Variants in BLMH observed in about 807,000 individuals in gnomAD.
The protein encoded by BLMH is bleomycin hydrolase.
BLMH carries 32 observed loss-of-function variants against 61.6 expected under a neutral mutation model. That is an observed-to-expected ratio of 0.52 (90% CI 0.39 to 0.70). The LOEUF (loss-of-function observed/expected upper bound fraction) is 0.70, where lower values mean the gene tolerates loss of function less well. BLMH is among the 30% of genes least tolerant of loss of function. The pLI is 0.00. For synonymous variants in BLMH, 183 were observed against 193.8 expected (o/e 0.94, Z 0.46); for missense variants, 460 against 555.5 (o/e 0.83, Z 1.73).
At chr17:30,286,960 A>C in intron 4 of BLMH, 58 bp from the exon 5 acceptor site, 1 of 1,118,038 alleles carries the variant, frequency 8.9e-7, no homozygotes, top group Middle Eastern at 2.2e-4. Context: ...CCCTGGCAAA[A>C]ATAGTGATTG....
chr17:30,291,035 C>A, intron 2 of BLMH: 1 of 423,966 alleles, frequency 2.4e-6, no homozygotes, highest in East Asian at 3.9e-5. Flanking sequence ...GGCTACAAAC[C>A]ACACAGCATT....
At chr17:30,266,130 A>C (rs1908098815) in intron 11 of BLMH, among the ~76,000 whole-genome samples, 1 of 152,184 alleles carries the variant, frequency 6.6e-6, no homozygotes, top group African/African-American at 2.4e-5. Context: ...TAGGTATGAC[A>C]ACTTCTAAGG....
At chr17:30,283,683 A>G (rs1273936366) in intron 6 of BLMH, among the ~76,000 whole-genome samples, 3 of 151,800 alleles carry the variant, frequency 2.0e-5, no homozygotes, top group African/African-American at 7.3e-5. Flanking sequence ...CACCACGCCC[A>G]GCTAATTATT....
chr17:30,285,204 C>T (rs953488426), intron 6 of BLMH, among the ~76,000 whole-genome samples, 184 bp downstream of exon 6: 1 of 152,138 alleles, frequency 6.6e-6, no homozygotes, highest in Non-Finnish European at 1.5e-5. Flanking sequence ...AATCCAAGTC[C>T]AAGTCCTACA....
chr17:30,265,499 A>G (rs1412859089), intron 11 of BLMH, among the ~76,000 whole-genome samples: 2 of 152,174 alleles, frequency 1.3e-5, no homozygotes, highest in African/African-American at 2.4e-5. Flanking sequence ...CTAAACACAG[A>G]GAGGGGCAAC....
intron 3 of BLMH, 160 bp from the exon 4 acceptor site, chr17:30,288,107 C>T: frequency 1.4e-6 from 1 of 730,488 alleles, no homozygotes; most frequent in Non-Finnish European, 2.1e-6. Flanking sequence ...GCATGTCATC[C>T]TTGTACAGAG....
intron 2 of BLMH, 39 bp from the exon 3 acceptor site, chr17:30,289,521 A>G (rs1212291930): frequency 6.9e-7 from 1 of 1,444,156 alleles, no homozygotes; most frequent in East Asian, 2.3e-5. Context: ...ATGAGGGTTC[A>G]CATAGACTGC....
intron 11 of BLMH, among the ~76,000 whole-genome samples, chr17:30,262,726 C>T (rs539811759): frequency 2.3e-4 from 35 of 152,038 alleles, no homozygotes; most frequent in Non-Finnish European, 4.4e-4. Flanking sequence ...ACCTGGGAGG[C>T]GAAGCTTGCA....
intron 3 of BLMH, 195 bp from the exon 4 acceptor site, chr17:30,288,142 C>T: frequency 2.0e-6 from 1 of 501,466 alleles, no homozygotes; most frequent in Non-Finnish European, 3.3e-6. Flanking sequence ...TTCTGTATCA[C>T]CCCAGTTTGG....
At chr17:30,257,197 G>A (rs1376023679) in intron 11 of BLMH, among the ~76,000 whole-genome samples, 1 of 152,160 alleles carries the variant, frequency 6.6e-6, no homozygotes, top group Non-Finnish European at 1.5e-5. Context: ...CATATATATA[G>A]TAACCCACTG....
chr17:30,266,785 A>C, intron 11 of BLMH, 100 bp downstream of exon 11: 1 of 1,079,532 alleles, frequency 9.3e-7, no homozygotes. Context: ...AGTGGAGCCA[A>C]TTACTGAGAA....
intron 11 of BLMH, chr17:30,252,148 C>A (rs1007358758): frequency 2.0e-5 from 3 of 152,122 alleles, no homozygotes; most frequent in African/African-American, 7.2e-5. Flanking sequence ...AGACCCTGCA[C>A]ACTCCCTGAA....
At chr17:30,257,901 A>T (rs1283669746) in intron 11 of BLMH, among the ~76,000 whole-genome samples, 1 of 152,218 alleles carries the variant, frequency 6.6e-6, no homozygotes, top group African/African-American at 2.4e-5. Flanking sequence ...TAGCTCAGGT[A>T]CCTAACTTTG....
At position 30,291,837 on chromosome 17, in the gene BLMH, G is replaced by A. The variant is rs767406208; in HGVS notation, c.-18C>T. ...CTGCTCATGGCGCCCACGCTGCCCG[G>A]CGGGGTAACGGTAGCTTCCAGGGTC... On this transcript the variant is annotated 5_prime_UTR_variant, in exon 1 of 12. Transcript: ENST00000261714. The A allele has an allele frequency of 7.5e-7, 1 of 1,340,274 alleles. No homozygotes were observed. Among genetic ancestry groups the A allele is most frequent in the African/African-American group, 1.5e-5 (1 of 66,314 alleles). The allele number at this position is 1,340,274 out of a possible 1,614,324, so 83.0% of individuals were successfully genotyped here. A position where few individuals can be genotyped will look rare whatever the true frequency, so the allele number is the denominator to read the frequency against.
chr17:30,268,551 A>G (rs1908172931), intron 10 of BLMH, among the ~76,000 whole-genome samples: 1 of 152,128 alleles, frequency 6.6e-6, no homozygotes, highest in Non-Finnish European at 1.5e-5. Context: ...AGGTAGCTCC[A>G]TTTTCCTAAG....
intron 1 of BLMH, 89 bp from the exon 2 acceptor site, chr17:30,291,597 C>T (rs773920698): frequency 6.5e-7 from 1 of 1,529,870 alleles, no homozygotes; most frequent in Non-Finnish European, 8.9e-7. Flanking sequence ...ACTTCGTAAG[C>T]GCATCCTGGG....
At chr17:30,287,069 A>G (rs1042580449) in intron 4 of BLMH, among the ~76,000 whole-genome samples, 167 bp from the exon 5 acceptor site, 2 of 152,102 alleles carry the variant, frequency 1.3e-5, no homozygotes, top group African/African-American at 4.8e-5. Context: ...TGTTTTTGAC[A>G]GAGTTTTGCT....
intron 11 of BLMH, 159 bp from the exon 12 acceptor site, chr17:30,249,327 G>T: frequency 1.2e-6 from 1 of 836,436 alleles, no homozygotes; most frequent in Non-Finnish European, 1.8e-6. Flanking sequence ...TAGCAATTCT[G>T]TGAAGCAGAT....
intron 10 of BLMH, among the ~76,000 whole-genome samples, chr17:30,270,905 T>C (rs1026848038): frequency 3.3e-5 from 5 of 152,292 alleles, no homozygotes; most frequent in Admixed American, 2.0e-4. Context: ...TGAAGGGAAA[T>C]CTGAACATAG....
Sources: allele counts gnomAD v4.1 joint callset (sites outside exome capture counted in the v4.1 genomes callset), GRCh38; gene constraint gnomAD v4.1.1; transcripts MANE v1.5; gene names NCBI Gene and HGNC (gene_info 2026-07-23, HGNC 2026-07-21).